The following BAG4 variants were observed in gnomAD, a reference collection of about 807,000 sequenced individuals.
The protein encoded by BAG4 is BAG family molecular chaperone regulator 4.
Under a neutral mutation model 52.1 loss-of-function variants are expected in BAG4, and 28 were observed. The ratio of observed to expected loss-of-function variants is 0.54; its 90% CI spans 0.40 to 0.74. The LOEUF (loss-of-function observed/expected upper bound fraction) is 0.74. Ranked by LOEUF, BAG4 falls within the 30% of genes least tolerant of loss-of-function variation. BAG4 has a pLI of 0.00. For missense variants in BAG4, 525 were observed against 572.0 expected, an observed-to-expected ratio of 0.92 and a Z score of 0.84; for synonymous variants, 208 against 217.0, an observed-to-expected ratio of 0.96 and a Z score of 0.37.
chr8:38,188,036 CAAAA>C (rs1157770485), intron 1 of BAG4, among the ~76,000 whole-genome samples: 74 of 37,124 alleles, frequency 2.0e-3, no homozygotes, highest in African/African-American at 3.7e-3. Context: ...GACTCCGTCT[CAAAA>C]AAAAAAAAAA....
At chr8:38,186,647 GAACT>G (rs1294446970) in intron 1 of BAG4, among the ~76,000 whole-genome samples, 1 of 152,140 alleles carries the variant, frequency 6.6e-6, no homozygotes. Context: ...CTGACCTTGG[GAACT>G]AACTGTCCCT....
At chr8:38,192,402 A>G (rs1294784793) in intron 1 of BAG4, among the ~76,000 whole-genome samples, 1 of 152,100 alleles carries the variant, frequency 6.6e-6, no homozygotes, top group Non-Finnish European at 1.5e-5. Flanking sequence ...TGTACTGAAT[A>G]ATTAGCAGTT....
chr8:38,178,038 A>G (rs1271608847), intron 1 of BAG4, among the ~76,000 whole-genome samples: 1 of 152,198 alleles, frequency 6.6e-6, no homozygotes, highest in African/African-American at 2.4e-5. Context: ...ATGACCCAGC[A>G]AGCCCACTCC....
chr8:38,195,826 A>G (rs1479373967), intron 2 of BAG4, among the ~76,000 whole-genome samples: 1 of 152,212 alleles, frequency 6.6e-6, no homozygotes, highest in Non-Finnish European at 1.5e-5. Flanking sequence ...TTTTTAGTAT[A>G]TTCACAAAGT....
At chr8:38,195,483 G>A (rs1803548715) in intron 2 of BAG4, among the ~76,000 whole-genome samples, 1 of 152,138 alleles carries the variant, frequency 6.6e-6, no homozygotes, top group African/African-American at 2.4e-5. Flanking sequence ...TAGAGACAGG[G>A]TCTTGCTGTG....
In BAG4 at chr8:38,192,790, G is replaced by A. The variant is rs770724435; in HGVS notation, c.373G>A (p.Gly125Ser). ...ATATCCTGTAAGACCAGAATTGCAAGGCCAGGTATGGTTTAAAAACAGAGA... is the reference window on the plus strand; with the variant it reads ...ATATCCTGTAAGACCAGAATTGCAAAGCCAGGTATGGTTTAAAAACAGAGA... Reference protein sequence around the residue: ...STYPVRPELQGQSLNSYTNGA... With the variant: ...STYPVRPELQSQSLNSYTNGA... Residue 125 changes from glycine (G) to serine (S), a missense_variant, in exon 2 of 5, where the codon GGC (glycine) becomes AGC (serine). Gly to Ser is a moderately conservative substitution (Grantham distance 56). This residue lies in a region of BAG4 where 287 missense variants were observed against 266.1 expected (regional missense o/e 1.08). Transcript: ENST00000287322. 2 of 1,587,472 alleles carry A rather than the reference G, an allele frequency of 1.3e-6. No individual in the cohort carries two copies. The highest frequency in any genetic ancestry group is 1.7e-6 in the Non-Finnish European group (2 of 1,167,678).
intron 1 of BAG4, among the ~76,000 whole-genome samples, chr8:38,179,683 T>G (rs975142109): frequency 2.0e-5 from 3 of 151,700 alleles, no homozygotes; most frequent in Non-Finnish European, 4.4e-5. Context: ...GGAGAATCGC[T>G]TGAACCCAGG....
intron 1 of BAG4, among the ~76,000 whole-genome samples, chr8:38,187,441 A>G (rs1421283166): frequency 6.6e-6 from 1 of 152,182 alleles, no homozygotes; most frequent in East Asian, 1.9e-4. Flanking sequence ...GTGTTGGAGA[A>G]GTGTCAGACA....
intron 2 of BAG4, chr8:38,203,890 T>C (rs1803725977): frequency 6.6e-6 from 1 of 152,050 alleles, no homozygotes; most frequent in Admixed American, 6.6e-5. Context: ...CATGTGTGCA[T>C]GAGATCCCCT....
intron 1 of BAG4, among the ~76,000 whole-genome samples, chr8:38,182,933 T>A (rs1330485502): frequency 6.6e-6 from 1 of 151,756 alleles, no homozygotes; most frequent in African/African-American, 2.4e-5. Flanking sequence ...AAAGTAAATT[T>A]CACTGTCTTT....
At chr8:38,193,192 G>T (rs1408689631) in intron 2 of BAG4, among the ~76,000 whole-genome samples, 2 of 152,062 alleles carry the variant, frequency 1.3e-5, no homozygotes, top group African/African-American at 4.8e-5. Flanking sequence ...ACCAAGGCAG[G>T]CAGATCACCT....
chr8:38,206,947 AT>A (rs11352165), intron 2 of BAG4, among the ~76,000 whole-genome samples: 3,840 of 111,028 alleles, frequency 0.035, 144 homozygotes, highest in African/African-American at 0.12. Flanking sequence ...GGCCTAGATA[AT>A]TTTTTTTTTT....
At chr8:38,196,623 C>G (rs1403008048) in intron 2 of BAG4, among the ~76,000 whole-genome samples, 1 of 151,450 alleles carries the variant, frequency 6.6e-6, no homozygotes, top group Non-Finnish European at 1.5e-5. Flanking sequence ...TGCACTGCAG[C>G]CTGGGCAACA....
At chr8:38,183,255 GC>G (rs1803304946) in intron 1 of BAG4, among the ~76,000 whole-genome samples, 1 of 151,880 alleles carries the variant, frequency 6.6e-6, no homozygotes, top group Non-Finnish European at 1.5e-5. Context: ...CACCATGTTA[GC>G]CAGGATGGTC....
chr8:38,196,199 C>G (rs1287046425), intron 2 of BAG4, among the ~76,000 whole-genome samples: 1 of 151,984 alleles, frequency 6.6e-6, no homozygotes, highest in Non-Finnish European at 1.5e-5. Flanking sequence ...GGGTCTATAC[C>G]TAGAAATGGA....
At chr8:38,205,202 A>ATTTTTTTTTTTTTTT (rs35284937) in intron 2 of BAG4, among the ~76,000 whole-genome samples, 1 of 79,240 alleles carries the variant, frequency 1.3e-5, no homozygotes, top group African/African-American at 4.9e-5. Flanking sequence ...CAGCTAATTA[A>ATTTTTTTTTTTTTTT]TTTTTTTTTT....
chr8:38,184,590 C>T lies in BAG4; in HGVS notation c.270+7451C>T, dbSNP rs550567723. On this transcript the variant is annotated intron_variant, in intron 1 of 4. Coordinates refer to ENST00000287322, the MANE Select transcript of BAG4 (RefSeq NM_004874.4). ...CAGATACCTCTGAGGACGTTCGGGT[C>T]GGAGAGTGTTGTTGACTGACTGCTG... Among the ~76,000 whole-genome samples, 61 of 152,248 alleles carry T rather than the reference C, an allele frequency of 4.0e-4. 1 individual carries two copies. Among genetic ancestry groups the T allele is most frequent in the African/African-American group, 1.2e-3 (51 of 41,546 alleles).
rs771754958 is a variant in BAG4, at chr8:38,210,116, G to T, written c.997G>T (p.Asp333Tyr). 6.2e-7 allele frequency: 1 copy of T among 1,614,164 alleles called. No homozygotes were observed. Among genetic ancestry groups the T allele is most frequent in the South Asian group, 1.1e-5 (1 of 91,076 alleles). The change falls in exon 5 of 5, where the codon GAT becomes TAT. Residue 333 changes from aspartate (D) to tyrosine (Y), a missense_variant. Around this residue, in one of 2 missense-constraint regions of BAG4, gnomAD observed 238 missense variants for 305.8 expected, o/e 0.78. Coordinates refer to ENST00000287322, the MANE Select transcript of BAG4 (RefSeq NM_004874.4). ...SSGTVNNDDS[D>Y]LLDSQVQYSA... Reference sequence around the variant, plus strand: ...GGGGACAGTGAACAATGATGATTCAGATCTTTTGGATTCCCAAGTCCAGTA... The same window carrying T: ...GGGGACAGTGAACAATGATGATTCATATCTTTTGGATTCCCAAGTCCAGTA...
In BAG4 at chr8:38,177,134, C is replaced by T; in HGVS notation, c.265C>T (p.His89Tyr). 1 of 1,612,842 alleles carries T rather than the reference C, an allele frequency of 6.2e-7. No individual in the cohort carries two copies. Reference protein sequence around the residue: ...WPEPGRAGGSHQEQPPYPSYN... With the variant: ...WPEPGRAGGSYQEQPPYPSYN... ...AGAGCCTGGTCGAGCCGGAGGAAGC[C>T]ACCAGGTAAGCTTTGCACCCTCTGT... is the stretch of plus-strand genomic sequence containing the variant. Residue 89 changes from histidine to tyrosine, a missense_variant, in exon 1 of 5, where the codon CAC becomes TAC. Transcript: ENST00000287322.
Sources: allele counts gnomAD v4.1 joint callset (sites outside exome capture counted in the v4.1 genomes callset), GRCh38; gene constraint gnomAD v4.1.1; regional missense constraint gnomAD v4.1.1; transcripts MANE v1.5; gene names NCBI Gene and HGNC (gene_info 2026-07-23, HGNC 2026-07-21).